The following CRYL1 variants were observed in gnomAD, a reference collection of about 807,000 sequenced individuals.
CRYL1 encodes the protein crystallin lambda 1.
A neutral mutation model predicts 36.6 loss-of-function variants in CRYL1; 29 were observed. That is an observed-to-expected ratio of 0.79 (90% CI 0.59 to 1.08). CRYL1 has a LOEUF of 1.08. Ranked by LOEUF, CRYL1 falls within the 50% of genes least tolerant of loss-of-function variation. The probability of loss-of-function intolerance (pLI) is 0.00; values close to 1 mark genes in which losing one functional copy is unlikely to be tolerated. For missense variants in CRYL1, 411 were observed against 407.9 expected, an observed-to-expected ratio of 1.01 and a Z score of -0.06; for synonymous variants, 152 against 151.5, an observed-to-expected ratio of 1.00 and a Z score of -0.02.
At chr13:20,467,813 G>C (rs2032972673) in intron 3 of CRYL1, among the ~76,000 whole-genome samples, 1 of 152,156 alleles carries the variant, frequency 6.6e-6, no homozygotes, top group African/African-American at 2.4e-5. Flanking sequence ...CAACACAGGG[G>C]TCTGCAACGC....
intron 3 of CRYL1, among the ~76,000 whole-genome samples, chr13:20,460,627 G>A (rs1277870765): frequency 3.7e-5 from 5 of 136,618 alleles, no homozygotes; most frequent in South Asian, 2.4e-4. Flanking sequence ...CCGGGTTCAC[G>A]CCATTCTCCT....
Position 20,435,349 on chromosome 13 carries a change from G to A in CRYL1, c.439-3053C>T, listed in dbSNP as rs895822162. On this transcript the variant is annotated intron_variant, in intron 4 of 7. Coordinates refer to ENST00000298248, the MANE Select transcript of CRYL1 (RefSeq NM_015974.3). The surrounding 1 kb of genome is among the most constrained non-coding windows in gnomAD (Gnocchi z 4.0). The stretch of plus-strand genomic sequence containing the variant: ...AAGGCACACGGCTGACTAGGACGCA[G>A]GGGCCAGCGACTGGGCCCCACGCAG... Among the ~76,000 whole-genome samples the A allele has an allele frequency of 6.6e-6, 1 of 152,190 alleles. No individual in the cohort carries two copies. Among genetic ancestry groups the A allele is most frequent in the Non-Finnish European group, 1.5e-5 (1 of 68,030 alleles).
At chr13:20,520,045 A>G (rs1048094873) in intron 1 of CRYL1, among the ~76,000 whole-genome samples, 3 of 152,192 alleles carry the variant, frequency 2.0e-5, no homozygotes, top group Non-Finnish European at 4.4e-5. Flanking sequence ...CAGAGAAGGG[A>G]GAATAACTGA....
intron 5 of CRYL1, among the ~76,000 whole-genome samples, chr13:20,427,504 A>G (rs2031958096): frequency 6.6e-6 from 1 of 152,050 alleles, no homozygotes; most frequent in Non-Finnish European, 1.5e-5. Context: ...AAGAAAAGAA[A>G]ATGCTTGTCA....
chr13:20,512,955 G>A (rs1319332835), intron 1 of CRYL1, among the ~76,000 whole-genome samples: 1 of 152,152 alleles, frequency 6.6e-6, no homozygotes, highest in Non-Finnish European at 1.5e-5. Context: ...AATGTTCCCA[G>A]CACAAAGAAA....
chr13:20,452,186 A>C (rs2032584371), intron 3 of CRYL1, among the ~76,000 whole-genome samples: 1 of 151,122 alleles, frequency 6.6e-6, no homozygotes, highest in South Asian at 2.1e-4. Flanking sequence ...TATGCTTACT[A>C]CCTGGGTGAC....
In CRYL1 at chr13:20,525,784, G is replaced by A. The variant is rs554211019; in HGVS notation, c.11C>T (p.Ser4Phe). 2 of 1,284,912 alleles carry A rather than the reference G, an allele frequency of 1.6e-6. No homozygotes were observed. Among genetic ancestry groups the A allele is most frequent in the South Asian group, 2.5e-5 (1 of 39,388 alleles). 79.6% of individuals were successfully genotyped at this position (1,284,912 alleles called of 1,614,324 possible). A position where few individuals can be genotyped will look rare whatever the true frequency, so the allele number is the denominator to read the frequency against. Residue 4 changes from serine to phenylalanine, a missense_variant, in exon 1 of 8, where the codon TCC becomes TTC. Physicochemically the swap from Ser to Phe is radical, Grantham distance 155 (BLOSUM62 -2). Transcript: ENST00000298248. The surrounding 1 kb of genome is among the most constrained non-coding windows in gnomAD (Gnocchi z 4.3). MAS[S>F]AAGCVVIVGS... ...AACGATCACCACGCAGCCGGCCGCG[G>A]AGGACGCCATGGTTGGGCCGGGGAC...
In CRYL1 at chr13:20,404,012, C is replaced by T. The variant is rs966520016; in HGVS notation, c.*117G>A. On this transcript the variant is annotated 3_prime_UTR_variant, in exon 8 of 8. Transcript: ENST00000298248. ...CACCCCACTCAGGCTGCACACAAGA[C>T]AGCCAGCTTAGGATCTCCGTGGGCT... is the stretch of plus-strand genomic sequence containing the variant. 14 of 719,816 alleles carry T rather than the reference C, an allele frequency of 1.9e-5. No homozygotes were observed. The highest frequency in any genetic ancestry group is 7.6e-4 in the Middle Eastern group (2 of 2,646). The allele number at this position is 719,816 out of a possible 1,614,324, so 44.6% of individuals were successfully genotyped here.
rs778160404 is a variant in CRYL1 at position 20,404,196 on chromosome 13, C to A, written c.893G>T (p.Arg298Met). The A allele has an allele frequency of 5.0e-6, 8 of 1,613,952 alleles. No homozygotes were observed. In the East Asian group the frequency reaches 1.6e-4, roughly 31 times the overall value. Reference sequence around the variant, plus strand: ...GAGGCACTCGTCCCTCCACTGCCTCCTGGCAGCTAAGTGCTCCGGGTCATC... The same window carrying A: ...GAGGCACTCGTCCCTCCACTGCCTCATGGCAGCTAAGTGCTCCGGGTCATC... ...VPDDPEHLAA[R>M]RQWRDECLMR... Residue 298 changes from arginine to methionine, a missense_variant, in exon 8 of 8, where the codon AGG becomes ATG. Coordinates refer to ENST00000298248, the MANE Select transcript of CRYL1 (RefSeq NM_015974.3).
At chr13:20,478,846 A>C (rs542446013) in intron 3 of CRYL1, among the ~76,000 whole-genome samples, 1 of 151,370 alleles carries the variant, frequency 6.6e-6, no homozygotes, top group African/African-American at 2.4e-5. Context: ...TCCGCCTCCC[A>C]GGTTCAAGTG....
chr13:20,454,259 C>T (rs970911217), intron 3 of CRYL1, among the ~76,000 whole-genome samples: 1 of 151,946 alleles, frequency 6.6e-6, no homozygotes, highest in Non-Finnish European at 1.5e-5. Context: ...GCGTTATGAC[C>T]AACTGGAGTT....
intron 2 of CRYL1, among the ~76,000 whole-genome samples, chr13:20,493,597 T>G (rs1046815307): frequency 6.6e-6 from 1 of 152,014 alleles, no homozygotes; most frequent in Non-Finnish European, 1.5e-5. Context: ...GAGGTGGATA[T>G]TTCAGTGAGC....
intron 2 of CRYL1, among the ~76,000 whole-genome samples, chr13:20,505,188 T>G (rs893285639): frequency 2.0e-5 from 3 of 151,798 alleles, no homozygotes; most frequent in Non-Finnish European, 4.4e-5. Flanking sequence ...AAACCCCATC[T>G]CTAATAAAAA....
intron 1 of CRYL1, among the ~76,000 whole-genome samples, chr13:20,516,092 G>A (rs1345522193): frequency 2.7e-5 from 4 of 149,842 alleles, no homozygotes; most frequent in African/African-American, 7.4e-5. Context: ...TCAGGAGGCC[G>A]AGGCAGGACA....
At chr13:20,499,681 T>C (rs1427481154) in intron 2 of CRYL1, among the ~76,000 whole-genome samples, 2 of 152,110 alleles carry the variant, frequency 1.3e-5, no homozygotes. Flanking sequence ...GGAAGCATTG[T>C]CAAATCTGAG....
chr13:20,424,187 T>C (rs1322971118), intron 5 of CRYL1, among the ~76,000 whole-genome samples: 1 of 152,210 alleles, frequency 6.6e-6, no homozygotes, highest in East Asian at 1.9e-4. Context: ...TACAGAGCTC[T>C]CTGCATTTGA....
intron 3 of CRYL1, among the ~76,000 whole-genome samples, chr13:20,473,260 C>T (rs890732788): frequency 1.4e-4 from 21 of 152,222 alleles, no homozygotes; most frequent in Non-Finnish European, 2.5e-4. Context: ...GGGAGACCCG[C>T]AGTCCCACTG....
In CRYL1 at chr13:20,492,412, C is replaced by T. The variant is rs540536701; in HGVS notation, c.150-2916G>A. The stretch of plus-strand genomic sequence containing the variant: ...TAAACAATACAAATGTATTATCTTA[C>T]AGTTCTAGAGGTCAGAAACCCCAAG... On this transcript the variant is annotated intron_variant, in intron 2 of 7. Coordinates refer to ENST00000298248, the MANE Select transcript of CRYL1 (RefSeq NM_015974.3). Among the ~76,000 whole-genome samples the T allele has an allele frequency of 8.5e-4, 130 of 152,312 alleles. 2 individuals carry two copies. The South Asian group carries it at 0.026, about 31-fold the overall frequency.
chr13:20,517,786 A>C (rs1236395676), intron 1 of CRYL1, among the ~76,000 whole-genome samples: 2 of 150,580 alleles, frequency 1.3e-5, no homozygotes, highest in Non-Finnish European at 3.0e-5. Context: ...AACACAAAAA[A>C]TTAGCCGGGC....
Sources: gnomAD v4.1 joint callset for allele counts (sites outside exome capture counted in the v4.1 genomes callset) on GRCh38, gnomAD v4.1.1 for gene constraint, Gnocchi (gnomAD v3.1) non-coding constraint, MANE v1.5 for transcripts, NCBI Gene and HGNC (gene_info 2026-07-23, HGNC 2026-07-21) for gene names.